Variants in MTNR1A observed in about 807,000 individuals in gnomAD.
MTNR1A encodes the protein melatonin receptor 1A.
Under a neutral mutation model 5.5 loss-of-function variants are expected in MTNR1A, and 7 were observed. The ratio of observed to expected loss-of-function variants is 1.28; its 90% CI spans 0.73 to 2.40. The LOEUF (loss-of-function observed/expected upper bound fraction) is 2.40, where lower values mean the gene tolerates loss of function less well. Ranked by LOEUF, MTNR1A falls within the 30% of genes most tolerant of loss-of-function variation. The pLI is 0.00. For synonymous variants in MTNR1A, 196 were observed against 202.7 expected (o/e 0.97, Z 0.28); for missense variants, 441 against 464.4 (o/e 0.95, Z 0.46).
intron 1 of MTNR1A, among the ~76,000 whole-genome samples, chr4:186,546,849 T>C (rs896055725): frequency 2.7e-5 from 4 of 146,204 alleles, no homozygotes; most frequent in African/African-American, 1.1e-4. Context: ...CACCACACCC[T>C]GTTCGTGGGA....
At chr4:186,538,898 C>T (rs546065296) in intron 1 of MTNR1A, among the ~76,000 whole-genome samples, 2 of 152,066 alleles carry the variant, frequency 1.3e-5, no homozygotes, top group Non-Finnish European at 2.9e-5. Context: ...CTGGTAGTCA[C>T]GGCCTGCAGG....
Position 186,534,651 on chromosome 4 carries a change from G to C in MTNR1A, c.185-94C>G. The C allele has an allele frequency of 4.8e-6, 7 of 1,462,816 alleles. No individual in the cohort carries two copies. The South Asian group carries it at 8.2e-5, about 17-fold the overall frequency. 90.6% of individuals were successfully genotyped at this position (1,462,816 alleles called of 1,614,324 possible). A position where few individuals can be genotyped will look rare whatever the true frequency, so the allele number is the denominator to read the frequency against. Reference sequence around the variant, plus strand: ...AAGAAGGAGCTGCTTCTGCAGCTCCGATGACCTGACGTCACAGCGGCGGCC... The same window carrying C: ...AAGAAGGAGCTGCTTCTGCAGCTCCCATGACCTGACGTCACAGCGGCGGCC... On this transcript the variant is annotated intron_variant, in intron 1 of 1. Transcript: ENST00000307161.
chr4:186,540,076 A>G (rs1486743173), intron 1 of MTNR1A, among the ~76,000 whole-genome samples: 1 of 152,224 alleles, frequency 6.6e-6, no homozygotes, highest in Non-Finnish European at 1.5e-5. Context: ...GGATGGCAGC[A>G]GGCAAAGAGA....
At chr4:186,550,889 T>G (rs941497256) in intron 1 of MTNR1A, among the ~76,000 whole-genome samples, 2 of 152,172 alleles carry the variant, frequency 1.3e-5, no homozygotes, top group African/African-American at 4.8e-5. Context: ...AAACTTAGGG[T>G]TCATAACAAT....
At chr4:186,536,122 G>T (rs572328627) in intron 1 of MTNR1A, among the ~76,000 whole-genome samples, 54 of 152,160 alleles carry the variant, frequency 3.5e-4, no homozygotes, top group Non-Finnish European at 6.9e-4. Flanking sequence ...AAGGTGGGTG[G>T]ATCAACTGAA....
intron 1 of MTNR1A, among the ~76,000 whole-genome samples, chr4:186,554,180 A>C (rs1425735360): frequency 6.6e-6 from 1 of 151,550 alleles, no homozygotes; most frequent in East Asian, 2.0e-4. Context: ...TCATATTACT[A>C]AGTGCTTAAC....
intron 1 of MTNR1A, among the ~76,000 whole-genome samples, chr4:186,553,397 C>G (rs73024800): frequency 0.012 from 1,840 of 152,346 alleles, 36 homozygotes; most frequent in African/African-American, 0.041. Context: ...GGAATATCCT[C>G]TTAAGAGCAC....
At chr4:186,540,845 TGTCTGACTGAAGGACCAGGTG>T (rs2111374458) in intron 1 of MTNR1A, among the ~76,000 whole-genome samples, 3 of 151,844 alleles carry the variant, frequency 2.0e-5, no homozygotes, top group Admixed American at 6.6e-5. Context: ...GACCAGGTGC[TGTCTGACTGAAGGACCAGGTG>T]CTGTCTGACT....
At chr4:186,542,376 C>G (rs557952180) in intron 1 of MTNR1A, among the ~76,000 whole-genome samples, 1 of 152,192 alleles carries the variant, frequency 6.6e-6, no homozygotes, top group Non-Finnish European at 1.5e-5. Flanking sequence ...CCTTCTCCAC[C>G]GTGATGGTAT....
intron 1 of MTNR1A, among the ~76,000 whole-genome samples, chr4:186,549,242 A>G (rs1358880229): frequency 8.6e-6 from 1 of 115,976 alleles, no homozygotes; most frequent in African/African-American, 3.1e-5. Context: ...AAATATGTTC[A>G]GAAAATCATC....
intron 1 of MTNR1A, among the ~76,000 whole-genome samples, chr4:186,544,702 T>C (rs1737101014): frequency 6.6e-6 from 1 of 152,200 alleles, no homozygotes; most frequent in South Asian, 2.1e-4. Flanking sequence ...TGATTAACCC[T>C]GCGGACACTT....
chr4:186,554,913 C>T (rs1737338176), intron 1 of MTNR1A, among the ~76,000 whole-genome samples: 1 of 152,224 alleles, frequency 6.6e-6, no homozygotes, highest in African/African-American at 2.4e-5. Context: ...ATCTAATAAA[C>T]CTCAGACAGG....
chr4:186,546,695 C>T (rs1737152947), intron 1 of MTNR1A, among the ~76,000 whole-genome samples: 1 of 146,344 alleles, frequency 6.8e-6, no homozygotes, highest in African/African-American at 2.7e-5. Flanking sequence ...CACACCACAC[C>T]TGTTCATACA....
chr4:186,542,083 A>G (rs577932867), intron 1 of MTNR1A, among the ~76,000 whole-genome samples: 82 of 152,374 alleles, frequency 5.4e-4, no homozygotes, highest in Non-Finnish European at 9.7e-4. Flanking sequence ...TCATGAGCTC[A>G]GCATCAGATT....
Position 186,534,566 on chromosome 4 carries a change from G to C in MTNR1A, c.185-9C>G, listed in dbSNP as rs753735665. ...CACCACAAAGATGTTTCCTGAAAGA[G>C]AATCGTTTAGAAAATACAGTGAATA... On this transcript the variant is annotated splice_polypyrimidine_tract_variant and intron_variant, in intron 1 of 1. Coordinates refer to ENST00000307161, the MANE Select transcript of MTNR1A (RefSeq NM_005958.4). The C allele has an allele frequency of 7.5e-6, 12 of 1,608,300 alleles. No individual in the cohort carries two copies. The Admixed American group carries it at 2.0e-4, about 27-fold the overall frequency.
intron 1 of MTNR1A, among the ~76,000 whole-genome samples, chr4:186,546,215 A>C (rs1737137316): frequency 6.6e-6 from 1 of 152,066 alleles, no homozygotes; most frequent in South Asian, 2.1e-4. Flanking sequence ...TGGAAACCAC[A>C]CGTCTTGCTT....
At chr4:186,547,468 C>T (rs1737179027) in intron 1 of MTNR1A, among the ~76,000 whole-genome samples, 1 of 152,060 alleles carries the variant, frequency 6.6e-6, no homozygotes, top group Non-Finnish European at 1.5e-5. Flanking sequence ...ACATGCTGTA[C>T]CCATCACACC....
At chr4:186,553,318 A>G (rs1232321562) in intron 1 of MTNR1A, among the ~76,000 whole-genome samples, 3 of 152,228 alleles carry the variant, frequency 2.0e-5, no homozygotes, top group African/African-American at 4.8e-5. Flanking sequence ...AAAAATCCCT[A>G]TTAGAAAAAT....
At chr4:186,544,969 C>G (rs1433766347) in intron 1 of MTNR1A, among the ~76,000 whole-genome samples, 2 of 152,142 alleles carry the variant, frequency 1.3e-5, no homozygotes, top group Non-Finnish European at 2.9e-5. Flanking sequence ...AATGGCAACT[C>G]CACTGGATTT....
Sources: gnomAD v4.1 joint callset for allele counts (sites outside exome capture counted in the v4.1 genomes callset) on GRCh38, gnomAD v4.1.1 for gene constraint, MANE v1.5 for transcripts, NCBI Gene and HGNC (gene_info 2026-07-23, HGNC 2026-07-21) for gene names.